MX2: variants seen among roughly 807,000 people sequenced by gnomAD.
The protein encoded by MX2 is interferon-induced GTP-binding protein Mx2.
A neutral mutation model predicts 74.0 loss-of-function variants in MX2; 51 were observed. The observed-to-expected ratio is 0.69, with a 90% CI of 0.55 to 0.87. The LOEUF (loss-of-function observed/expected upper bound fraction) is 0.87, where lower values mean the gene tolerates loss of function less well. Among genes scored for constraint, MX2 ranks in the 40% least tolerant of loss-of-function variants. MX2 has a pLI of 0.00. For synonymous variants in MX2, 369 were observed against 339.3 expected (o/e 1.09, Z -0.96); for missense variants, 832 against 908.7 (o/e 0.92, Z 1.09).
chr21:41,377,716 C>T, intron 2 of MX2, 73 bp from the exon 3 acceptor site: 1 of 1,487,616 alleles, frequency 6.7e-7, no homozygotes, highest in Non-Finnish European at 9.2e-7. Flanking sequence ...CGCACAAACT[C>T]TGCCACACAT....
chr21:41,374,421 A>C (rs1277421233), intron 1 of MX2, among the ~76,000 whole-genome samples: 1 of 152,228 alleles, frequency 6.6e-6, no homozygotes, highest in East Asian at 1.9e-4. Context: ...AGGCTTGTGC[A>C]TGGCTTTGGG....
chr21:41,385,049 G>A (rs974062242), intron 5 of MX2, among the ~76,000 whole-genome samples: 1 of 145,604 alleles, frequency 6.9e-6, no homozygotes, highest in Non-Finnish European at 1.6e-5. Flanking sequence ...GTGAGTGTGA[G>A]TGTGAGTGTG....
intron 1 of MX2, among the ~76,000 whole-genome samples, chr21:41,374,526 G>A (rs1399700542): frequency 1.3e-5 from 2 of 152,212 alleles, no homozygotes; most frequent in Non-Finnish European, 2.9e-5. Context: ...TCCATCCTAC[G>A]TGGACCTTCT....
At chr21:41,394,982 AGAAGGAAG>A (rs147857177) in intron 6 of MX2, among the ~76,000 whole-genome samples, 92 of 151,166 alleles carry the variant, frequency 6.1e-4, no homozygotes, top group Non-Finnish European at 7.1e-4. Flanking sequence ...AAGCAAGGAA[AGAAGGAAG>A]GAAGGAAGGA....
intron 12 of MX2, among the ~76,000 whole-genome samples, chr21:41,405,504 T>C (rs1441154732): frequency 1.3e-5 from 2 of 151,892 alleles, no homozygotes; most frequent in Non-Finnish European, 2.9e-5. Context: ...GAAAGAGCGC[T>C]CTCTGGGGTT....
intron 7 of MX2, among the ~76,000 whole-genome samples, chr21:41,396,912 C>T (rs551490301): frequency 1.3e-3 from 204 of 152,268 alleles, no homozygotes; most frequent in African/African-American, 4.8e-3. Context: ...GGGAGGTGCC[C>T]AAGACTTCCT....
At chr21:41,378,356 G>GAGA (rs1601402217) in intron 3 of MX2, among the ~76,000 whole-genome samples, 8 of 152,046 alleles carry the variant, frequency 5.3e-5, no homozygotes, top group African/African-American at 1.7e-4. Context: ...CCCTAGGAGG[G>GAGA]CAGCTTCTCA....
chr21:41,377,284 C>G, intron 2 of MX2, 129 bp downstream of exon 2: 1 of 1,317,612 alleles, frequency 7.6e-7, no homozygotes, highest in Non-Finnish European at 1.0e-6. Context: ...GTCTCCAGCT[C>G]TCCTGGTCAT....
chr21:41,367,656 T>G (rs946584869), intron 1 of MX2, among the ~76,000 whole-genome samples: 1 of 152,230 alleles, frequency 6.6e-6, no homozygotes, highest in African/African-American at 2.4e-5. Context: ...GAATGCATGC[T>G]TCTTAGTCTT....
chr21:41,370,131 C>G (rs974629889), intron 1 of MX2: 2 of 152,274 alleles, frequency 1.3e-5, no homozygotes, highest in East Asian at 1.9e-4. Context: ...GGTAAAGGTT[C>G]TTTTCCTGGG....
In MX2 at chr21:41,391,555, T is replaced by C. The variant is rs569945013; in HGVS notation, c.871+852T>C. Among the ~76,000 whole-genome samples the C allele has an allele frequency of 5.3e-4, 80 of 152,156 alleles. 2 individuals are homozygous for C. In the South Asian group the frequency reaches 0.015, roughly 29 times the overall value. ...ATGCCATCACGCCTGGCTAATTTTG[T>C]ATTTTCAGTAGAGACGGGGTTTCAC... On this transcript the variant is annotated intron_variant, in intron 6 of 13. Transcript: ENST00000330714.
At chr21:41,394,204 A>G (rs1035334207) in intron 6 of MX2, among the ~76,000 whole-genome samples, 1 of 152,182 alleles carries the variant, frequency 6.6e-6, no homozygotes, top group Non-Finnish European at 1.5e-5. Flanking sequence ...TCACATGCAT[A>G]TAAACCCCGG....
At chr21:41,379,335 G>A (rs994383387) in intron 3 of MX2, among the ~76,000 whole-genome samples, 1 of 152,206 alleles carries the variant, frequency 6.6e-6, no homozygotes, top group Non-Finnish European at 1.5e-5. Context: ...CGGGTTCTCA[G>A]GGCTTCACGG....
rs59005802 is a variant in MX2, at chr21:41,386,219, C to CAAA, written c.732+3683_732+3685dup. Among the ~76,000 whole-genome samples, 45 of 32,022 alleles carry CAAA rather than the reference C, an allele frequency of 1.4e-3. 1 individual carries two copies. Among genetic ancestry groups the CAAA allele is most frequent in the Non-Finnish European group, 2.3e-3 (36 of 15,734 alleles). 21.0% of individuals were successfully genotyped at this position (32,022 alleles called of 152,430 possible). ...TGGGCAACAGAGTAATACTCCATCTCAAAAAAAAAAAAAAAAAAAAAAAAA... is the reference window on the plus strand; with the variant it reads ...TGGGCAACAGAGTAATACTCCATCTCAAAAAAAAAAAAAAAAAAAAAAAAAAAA... On this transcript the variant is annotated intron_variant, in intron 5 of 13. Coordinates refer to ENST00000330714, the MANE Select transcript of MX2 (RefSeq NM_002463.2).
chr21:41,392,042 T>C (rs976722735), intron 6 of MX2, among the ~76,000 whole-genome samples: 1 of 151,944 alleles, frequency 6.6e-6, no homozygotes, highest in Non-Finnish European at 1.5e-5. Flanking sequence ...TGTGTTCTCA[T>C]CCTTTAGCTC....
intron 5 of MX2, 85 bp from the exon 6 acceptor site, chr21:41,390,480 C>T: frequency 6.4e-7 from 1 of 1,572,890 alleles, no homozygotes; most frequent in Non-Finnish European, 8.7e-7. Context: ...TGCCTTTGCG[C>T]CATCATGCCT....
chr21:41,371,738 C>T (rs932627445), intron 1 of MX2, among the ~76,000 whole-genome samples: 5 of 152,084 alleles, frequency 3.3e-5, no homozygotes, highest in African/African-American at 4.8e-5. Context: ...TCTGCTTACT[C>T]CTTAAGCAGC....
At chr21:41,377,574 T>G (rs1470462041) in intron 2 of MX2, among the ~76,000 whole-genome samples, 1 of 152,152 alleles carries the variant, frequency 6.6e-6, no homozygotes, top group East Asian at 1.9e-4. Context: ...CCTGCACACC[T>G]GCAGCCAAAT....
chr21:41,379,287 G>A (rs567056815), intron 3 of MX2, among the ~76,000 whole-genome samples: 81 of 152,178 alleles, frequency 5.3e-4, no homozygotes, highest in Non-Finnish European at 9.6e-4. Context: ...GTTGGAAGAC[G>A]GGACAATACC....
Sources: gnomAD v4.1 joint callset for allele counts (sites outside exome capture counted in the v4.1 genomes callset) on GRCh38, gnomAD v4.1.1 for gene constraint, MANE v1.5 for transcripts, NCBI Gene and HGNC (gene_info 2026-07-23, HGNC 2026-07-21) for gene names.